The following CIP2A variants were observed in gnomAD, a reference collection of about 807,000 sequenced individuals.
The protein encoded by CIP2A is protein CIP2A.
CIP2A carries 103 observed loss-of-function variants against 110.9 expected under a neutral mutation model. The ratio of observed to expected loss-of-function variants is 0.93; its 90% CI spans 0.79 to 1.09. The LOEUF is 1.09. CIP2A is among the 50% of genes least tolerant of loss of function. CIP2A has a pLI of 0.00. For synonymous variants in CIP2A, 381 were observed against 361.6 expected (o/e 1.05, Z -0.61); for missense variants, 1,088 against 1,038.4 (o/e 1.05, Z -0.66).
At chr3:108,578,919 A>T (rs976977111) in intron 7 of CIP2A, among the ~76,000 whole-genome samples, 2 of 152,192 alleles carry the variant, frequency 1.3e-5, no homozygotes, top group African/African-American at 4.8e-5. Flanking sequence ...TAATTTATGT[A>T]GAAATATTTA....
intron 8 of CIP2A, among the ~76,000 whole-genome samples, chr3:108,573,501 A>G (rs1170050324): frequency 6.6e-6 from 1 of 151,918 alleles, no homozygotes; most frequent in Non-Finnish European, 1.5e-5. Flanking sequence ...TGATACCCAT[A>G]GAATGCTTCT....
chr3:108,561,709 T>TA (rs1348988569), intron 13 of CIP2A, among the ~76,000 whole-genome samples: 3 of 152,082 alleles, frequency 2.0e-5, no homozygotes, highest in Admixed American at 2.0e-4. Flanking sequence ...AAACCCTACC[T>TA]ACCAATGCAT....
In CIP2A at chr3:108,579,598, T is replaced by A; in HGVS notation, c.640A>T (p.Ser214Cys). The part of the protein sequence containing the change: ...VVVFALSILS[S>C]LTLNEEVGEK... ...CCCACCTCTTCATTTAATGTCAAAC[T>A]GGATAATATTGAAAGTGCAAACACA... Residue 214 changes from serine (S) to cysteine (C), a missense_variant, in exon 6 of 21, where the codon AGT becomes TGT. Ser to Cys is a moderately radical substitution (Grantham distance 112, BLOSUM62 -1). Coordinates refer to ENST00000295746, the MANE Select transcript of CIP2A (RefSeq NM_020890.3). 1 of 1,596,768 alleles carries A rather than the reference T, an allele frequency of 6.3e-7. No homozygotes were observed. Among genetic ancestry groups the A allele is most frequent in the East Asian group, 2.2e-5 (1 of 44,584 alleles).
chr3:108,557,194 C>G, intron 17 of CIP2A, 24 bp downstream of exon 17: 6 of 1,472,360 alleles, frequency 4.1e-6, no homozygotes, highest in African/African-American at 1.4e-5. Context: ...TCTAACCTTA[C>G]ACAGAAGATT....
In CIP2A at chr3:108,553,640, C is replaced by G. The variant is rs907365279; in HGVS notation, c.2407+8G>C. 1.4e-5 allele frequency: 21 copies of G among 1,554,160 alleles called. No homozygotes were observed. The highest frequency in any genetic ancestry group is 1.6e-5 in the Non-Finnish European group (18 of 1,133,968). ...AATAGAAAATGTATTAAATAAGAAG[C>G]CACTTACTTGCTAGCTTATGTTCTC... On this transcript the variant is annotated splice_region_variant and intron_variant, in intron 19 of 20. Transcript: ENST00000295746.
intron 1 of CIP2A, among the ~76,000 whole-genome samples, chr3:108,588,330 TGAA>T (rs537567446): frequency 0.019 from 2,902 of 152,174 alleles, 100 homozygotes; most frequent in African/African-American, 0.067. Flanking sequence ...GATGGGCACT[TGAA>T]GTAGGGAAAA....
intron 13 of CIP2A, among the ~76,000 whole-genome samples, chr3:108,561,906 G>A (rs1175774773): frequency 6.6e-6 from 1 of 152,138 alleles, no homozygotes; most frequent in Non-Finnish European, 1.5e-5. Context: ...CAGAGGATAA[G>A]ACTTCCATGT....
rs142822647 is a variant in CIP2A, at chr3:108,572,035, GCT to G, written c.895-2430_895-2429del. 5.8e-3 allele frequency among the ~76,000 whole-genome samples: 882 copies of G among 151,952 alleles called. 61 individuals are homozygous for G. In the East Asian group the frequency reaches 0.15, roughly 25 times the overall value. ...ACTTTTTTGCTCAAGTATCTGTTCG[GCT>G]CTGTGTTTTTTCGGATATATACATA... On this transcript the variant is annotated intron_variant, in intron 8 of 20. Coordinates refer to ENST00000295746, the MANE Select transcript of CIP2A (RefSeq NM_020890.3).
intron 10 of CIP2A, among the ~76,000 whole-genome samples, chr3:108,567,257 T>TA (rs1938220457): frequency 6.6e-6 from 1 of 151,876 alleles, no homozygotes; most frequent in South Asian, 2.1e-4. Flanking sequence ...TTTTTTTTTT[T>TA]ACATGTTCTC....
At chr3:108,553,780 T>G in intron 18 of CIP2A, 50 bp from the exon 19 acceptor site, 1 of 1,456,142 alleles carries the variant, frequency 6.9e-7, no homozygotes, top group Non-Finnish European at 9.3e-7. Flanking sequence ...CCATATACCA[T>G]TTGTAACTTT....
chr3:108,560,601 A>C (rs750969016), intron 14 of CIP2A, 48 bp downstream of exon 14: 24 of 1,157,356 alleles, frequency 2.1e-5, no homozygotes, highest in Non-Finnish European at 2.8e-5. Flanking sequence ...ATTGGGACTG[A>C]CATATAGCTA....
chr3:108,565,070 A>C (rs1938137682), intron 12 of CIP2A, among the ~76,000 whole-genome samples: 1 of 151,946 alleles, frequency 6.6e-6, no homozygotes, highest in Admixed American at 6.6e-5. Context: ...CAAATGAAGA[A>C]ATATACAAAT....
At chr3:108,551,894 G>A (rs1014884573) in intron 20 of CIP2A, among the ~76,000 whole-genome samples, 1 of 152,086 alleles carries the variant, frequency 6.6e-6, no homozygotes, top group Non-Finnish European at 1.5e-5. Context: ...TTCTTCAGTT[G>A]TAAGTTGAAA....
rs201961953 is a variant in CIP2A, at chr3:108,576,267, A to G, written c.894+4T>C. 302 of 1,521,926 alleles carry G rather than the reference A, an allele frequency of 2.0e-4. 1 individual carries two copies. In the African/African-American group the frequency reaches 4.0e-3, roughly 20 times the overall value. The allele number at this position is 1,521,926 out of a possible 1,614,324, so 94.3% of individuals were successfully genotyped here. A position where few individuals can be genotyped will look rare whatever the true frequency, so the allele number is the denominator to read the frequency against. On this transcript the variant is annotated splice_donor_region_variant and intron_variant, in intron 8 of 20. Transcript: ENST00000295746. ...TTTAAATGAAAAGTCATGTTTTTAC[A>G]TACCTTTGAAGAGGAATCAGGATCC...
intron 17 of CIP2A, among the ~76,000 whole-genome samples, chr3:108,556,902 C>CA (rs1425115827): frequency 2.0e-5 from 3 of 151,942 alleles, no homozygotes; most frequent in African/African-American, 7.3e-5. Flanking sequence ...AGCACTCCTA[C>CA]AGGCCCTAGG....
intron 1 of CIP2A, chr3:108,585,647 T>C: frequency 2.2e-6 from 1 of 454,608 alleles, no homozygotes; most frequent in Admixed American, 2.4e-5. Flanking sequence ...GCAAATAAAT[T>C]CTAATACATT....
At chr3:108,563,027 A>G (rs1326946576) in intron 13 of CIP2A, 99 bp downstream of exon 13, 1 of 697,214 alleles carries the variant, frequency 1.4e-6, no homozygotes, top group African/African-American at 1.8e-5. Context: ...TGAAGTCTTC[A>G]ATTCACTAAT....
At chr3:108,564,657 A>C (rs560612275) in intron 12 of CIP2A, among the ~76,000 whole-genome samples, 2 of 151,992 alleles carry the variant, frequency 1.3e-5, no homozygotes, top group South Asian at 2.1e-4. Context: ...TTATAATTCT[A>C]TAGGAAAAGT....
At chr3:108,575,459 T>C (rs987264230) in intron 8 of CIP2A, among the ~76,000 whole-genome samples, 1 of 150,100 alleles carries the variant, frequency 6.7e-6, no homozygotes, top group Non-Finnish European at 1.5e-5. Flanking sequence ...TATACATGTA[T>C]ACATGTGAGT....
Sources: allele counts gnomAD v4.1 joint callset (sites outside exome capture counted in the v4.1 genomes callset), GRCh38; gene constraint gnomAD v4.1.1; transcripts MANE v1.5; gene names NCBI Gene and HGNC (gene_info 2026-07-23, HGNC 2026-07-21).